Variants in WDPCP observed in about 807,000 individuals in gnomAD.
WDPCP encodes WD repeat containing planar cell polarity effector.
WDPCP carries 71 observed loss-of-function variants against 93.1 expected under a neutral mutation model. That is an observed-to-expected ratio of 0.76 (90% CI 0.63 to 0.93). The LOEUF (loss-of-function observed/expected upper bound fraction) is 0.93, where lower values mean the gene tolerates loss of function less well. WDPCP is among the 40% of genes least tolerant of loss of function. The pLI is 0.00. For synonymous variants in WDPCP, 315 were observed against 315.0 expected, an observed-to-expected ratio of 1.00 and a Z score of 0.00; for missense variants, 844 against 887.4, an observed-to-expected ratio of 0.95 and a Z score of 0.62.
At chr2:63,410,014 A>T (rs1694909739) in intron 9 of WDPCP, among the ~76,000 whole-genome samples, 1 of 152,224 alleles carries the variant, frequency 6.6e-6, no homozygotes, top group African/African-American at 2.4e-5. Flanking sequence ...TCCAAATACA[A>T]GAAGCACAGA....
At position 63,404,102 on chromosome 2, in the gene WDPCP, G is replaced by C; in HGVS notation, c.1381C>G (p.Leu461Val). Residue 461 changes from leucine to valine, a missense_variant, in exon 10 of 18, where the codon CTC (leucine) becomes GTC (valine). By Grantham distance (32) the Leu-to-Val change is conservative. Coordinates refer to ENST00000272321, the MANE Select transcript of WDPCP (RefSeq NM_015910.7). ...CCTCTTTCAAACCTGAGGAAGAGGA[G>C]ATCATAGATATCACTACCTTCACCC... is the stretch of plus-strand genomic sequence containing the variant. ...QKGEGSDIYD[L>V]LFLRFERGPL... The C allele has an allele frequency of 6.2e-7, 1 of 1,614,062 alleles. No homozygotes were observed. The highest frequency in any genetic ancestry group is 8.5e-7 in the Non-Finnish European group (1 of 1,179,984).
intron 3 of WDPCP, chr2:63,604,674 TATTTGTTTTCAATTTAACTAG>T: frequency 6.3e-7 from 1 of 1,592,544 alleles, no homozygotes; most frequent in Non-Finnish European, 8.6e-7. Flanking sequence ...CTCAGTAATG[TATTTGTTTTCAATTTAACTAG>T]ATTGCTCTTA....
rs1163550496 is a variant in WDPCP at position 63,373,724 on chromosome 2, C to A, written c.1748+4662G>T. The stretch of plus-strand genomic sequence containing the variant: ...TTTCTTCCCCTGCATGCTCCACTTA[C>A]CCCTAATTCTTGCCATCTTTGGGGT... On this transcript the variant is annotated intron_variant, in intron 12 of 17. Transcript: ENST00000272321. Among the ~76,000 whole-genome samples the A allele has an allele frequency of 3.9e-5, 6 of 152,052 alleles. No homozygotes were observed. In the East Asian group the frequency reaches 9.6e-4, roughly 24 times the overall value.
chr2:63,448,292 GA>G (rs1417879428), intron 6 of WDPCP, among the ~76,000 whole-genome samples: 9 of 152,078 alleles, frequency 5.9e-5, no homozygotes, highest in African/African-American at 1.7e-4. Flanking sequence ...AAGAATAAAT[GA>G]AAAAAGACCA....
chr2:63,825,679 TC>T (rs1467435838), intron 1 of WDPCP, among the ~76,000 whole-genome samples: 1 of 152,006 alleles, frequency 6.6e-6, no homozygotes, highest in African/African-American at 2.4e-5. Context: ...TGATGGAGAC[TC>T]CATCTCAAAA....
intron 2 of WDPCP, among the ~76,000 whole-genome samples, chr2:63,724,046 T>C (rs1669464277): frequency 6.6e-6 from 1 of 152,234 alleles, no homozygotes; most frequent in South Asian, 2.1e-4. Context: ...ACATCTAGCA[T>C]ATAGCTATGT....
At chr2:63,640,689 G>C (rs958172413) in intron 3 of WDPCP, among the ~76,000 whole-genome samples, 4 of 152,074 alleles carry the variant, frequency 2.6e-5, no homozygotes, top group African/African-American at 9.7e-5. Context: ...ATTTTTGTGG[G>C]TACATAGTAA....
At chr2:63,812,805 C>T (rs1670880813) in intron 2 of WDPCP, among the ~76,000 whole-genome samples, 1 of 152,090 alleles carries the variant, frequency 6.6e-6, no homozygotes, top group South Asian at 2.1e-4. Flanking sequence ...CCCCATCCCT[C>T]AAGTTTACAG....
At chr2:63,253,792 T>G (rs1680925430) in intron 14 of WDPCP, among the ~76,000 whole-genome samples, 1 of 152,208 alleles carries the variant, frequency 6.6e-6, no homozygotes, top group African/African-American at 2.4e-5. Flanking sequence ...CTGGTGGGAA[T>G]GTAAATTAAT....
intron 1 of WDPCP, among the ~76,000 whole-genome samples, chr2:63,511,046 G>A (rs989928227): frequency 3.3e-5 from 5 of 152,152 alleles, no homozygotes; most frequent in African/African-American, 1.2e-4. Context: ...AGCAACTTCA[G>A]CAAAGTCTCA....
intron 13 of WDPCP, among the ~76,000 whole-genome samples, chr2:63,290,419 T>C (rs991065191): frequency 1.3e-5 from 2 of 152,016 alleles, no homozygotes; most frequent in Non-Finnish European, 2.9e-5. Flanking sequence ...TCACAATGTA[T>C]TGTTATTACT....
At chr2:63,480,629 G>A (rs981765091) in intron 6 of WDPCP, among the ~76,000 whole-genome samples, 8 of 152,096 alleles carry the variant, frequency 5.3e-5, no homozygotes, top group Non-Finnish European at 1.0e-4. Context: ...AAAACATACA[G>A]TGGGGAAAGG....
intron 1 of WDPCP, among the ~76,000 whole-genome samples, chr2:63,501,636 G>A (rs897758540): frequency 6.6e-6 from 1 of 152,160 alleles, no homozygotes; most frequent in Non-Finnish European, 1.5e-5. Context: ...CTTTTTTGGA[G>A]ATGGAGTTTC....
chr2:63,282,397 C>T lies in WDPCP; in HGVS notation c.1813-22988G>A, dbSNP rs186581365. On this transcript the variant is annotated intron_variant, in intron 13 of 17. Coordinates refer to ENST00000272321, the MANE Select transcript of WDPCP (RefSeq NM_015910.7). ...GTGCGTACCTGTAGTCCCAGCTACT[C>T]AGGAGGCTGAGGCAAGAGAATTGCT... 2.1e-3 allele frequency among the ~76,000 whole-genome samples: 314 copies of T among 152,256 alleles called. 2 individuals are homozygous for T. In the Middle Eastern group the frequency reaches 0.031, roughly 15 times the overall value.
intron 13 of WDPCP, among the ~76,000 whole-genome samples, chr2:63,262,821 C>G (rs2104796719): frequency 6.6e-6 from 1 of 152,296 alleles, no homozygotes; most frequent in South Asian, 2.1e-4. Context: ...TCATGTTTTA[C>G]TCTGCCCAGG....
At chr2:63,364,734 A>G (rs1690759854) in intron 12 of WDPCP, among the ~76,000 whole-genome samples, 1 of 152,228 alleles carries the variant, frequency 6.6e-6, no homozygotes, top group African/African-American at 2.4e-5. Flanking sequence ...TATTTTCAAT[A>G]ACCTCTTACT....
intron 1 of WDPCP, among the ~76,000 whole-genome samples, chr2:63,529,707 T>A (rs1271651591): frequency 6.6e-6 from 1 of 152,222 alleles, no homozygotes; most frequent in Non-Finnish European, 1.5e-5. Flanking sequence ...CAGGCTTTGG[T>A]ATCAGGATGA....
chr2:63,562,893 A>C (rs1706732086), intron 1 of WDPCP, among the ~76,000 whole-genome samples: 1 of 152,184 alleles, frequency 6.6e-6, no homozygotes, highest in South Asian at 2.1e-4. Flanking sequence ...CTGGCACAGC[A>C]AGCTATTTCT....
At position 63,634,552 on chromosome 2, in the gene WDPCP, A is replaced by G. The variant is rs557320600; in HGVS notation, n.488+16107T>C. 3.3e-5 allele frequency among the ~76,000 whole-genome samples: 5 copies of G among 152,326 alleles called. No individual in the cohort carries two copies. In the South Asian group the frequency reaches 6.2e-4, roughly 19 times the overall value. ...AGACATATCCAGAACATTCCATCCA[A>G]TGGCAGCAGAATATACATTCATCTC... On this transcript the variant is annotated intron_variant and non_coding_transcript_variant, in intron 3 of 4. Transcript: ENST00000467687.
Sources: allele counts gnomAD v4.1 joint callset (sites outside exome capture counted in the v4.1 genomes callset), GRCh38; gene constraint gnomAD v4.1.1; transcripts MANE v1.5; gene names NCBI Gene and HGNC (gene_info 2026-07-23, HGNC 2026-07-21).